NRG3: variants seen among roughly 807,000 people sequenced by gnomAD.
The protein encoded by NRG3 is neuregulin 3, also known as pro-neuregulin-3, membrane-bound isoform.
NRG3 carries 31 observed loss-of-function variants against 66.9 expected under a neutral mutation model. That is an observed-to-expected ratio of 0.46 (90% CI 0.35 to 0.63). NRG3 has a LOEUF of 0.63. Ranked by LOEUF, NRG3 falls within the 20% of genes least tolerant of loss-of-function variation. The pLI is 0.00. For synonymous variants in NRG3, 393 were observed against 359.4 expected, an observed-to-expected ratio of 1.09 and a Z score of -1.06; for missense variants, 910 against 878.9, an observed-to-expected ratio of 1.04 and a Z score of -0.45.
intron 1 of NRG3, among the ~76,000 whole-genome samples, chr10:82,216,192 G>C (rs982000480): frequency 6.6e-6 from 1 of 151,698 alleles, no homozygotes; most frequent in African/African-American, 2.4e-5. Flanking sequence ...TGTTGGCCAG[G>C]CTGGTCTTGA....
At chr10:82,819,566 T>G (rs2061858163) in intron 3 of NRG3, among the ~76,000 whole-genome samples, 1 of 152,170 alleles carries the variant, frequency 6.6e-6, no homozygotes, top group Non-Finnish European at 1.5e-5. Flanking sequence ...TACAGCATAA[T>G]ATAATAATTA....
chr10:82,895,675 A>AGAGAC (rs1430708494), intron 4 of NRG3, among the ~76,000 whole-genome samples: 40 of 152,076 alleles, frequency 2.6e-4, no homozygotes, highest in Admixed American at 3.9e-4. Flanking sequence ...TAATTTTAAT[A>AGAGAC]GAGACGGTGT....
intron 3 of NRG3, among the ~76,000 whole-genome samples, chr10:82,781,584 T>C (rs975225369): frequency 2.0e-5 from 3 of 152,112 alleles, no homozygotes; most frequent in African/African-American, 7.2e-5. Flanking sequence ...TATAAAATAT[T>C]TGCCACATTT....
At position 82,890,615 on chromosome 10, in the gene NRG3, T is replaced by C. The variant is rs77332529; in HGVS notation, c.1054+25178T>C. 5.0e-3 allele frequency among the ~76,000 whole-genome samples: 759 copies of C among 152,338 alleles called. 12 individuals carry two copies. The highest frequency in any genetic ancestry group is 0.017 in the African/African-American group (695 of 41,568). On this transcript the variant is annotated intron_variant, in intron 4 of 8. Coordinates refer to ENST00000372141, the MANE Select transcript of NRG3 (RefSeq NM_001010848.4). ...CTACATTTTAGTAGCCATCTTTGTA[T>C]AAATGTGCTCATTTCTATTTAGCAT...
chr10:82,428,369 TGTTGGTAC>T (rs58515281), intron 2 of NRG3, among the ~76,000 whole-genome samples: 29,984 of 151,664 alleles, frequency 0.2, 4,034 homozygotes, highest in African/African-American at 0.39. Flanking sequence ...ATTTCATAAT[TGTTGGTAC>T]GTTGTTTTTT....
intron 1 of NRG3, among the ~76,000 whole-genome samples, chr10:82,251,407 T>G (rs1480189862): frequency 6.6e-6 from 1 of 152,166 alleles, no homozygotes; most frequent in Non-Finnish European, 1.5e-5. Context: ...TCATCTACAG[T>G]GGCCCTGCAG....
intron 2 of NRG3, among the ~76,000 whole-genome samples, chr10:82,394,410 A>G (rs563637735): frequency 7.4e-4 from 113 of 152,316 alleles, no homozygotes; most frequent in South Asian, 2.9e-3. Context: ...GGAACAAATC[A>G]GGAAGCAAAC....
At chr10:82,807,049 T>G (rs1049873738) in intron 3 of NRG3, among the ~76,000 whole-genome samples, 1 of 152,174 alleles carries the variant, frequency 6.6e-6, no homozygotes, top group Non-Finnish European at 1.5e-5. Context: ...AGACCCTAAT[T>G]GGTTATTGGA....
intron 2 of NRG3, among the ~76,000 whole-genome samples, chr10:82,688,521 G>T (rs2250431): frequency 0.92 from 139,452 of 152,166 alleles, 63,957 homozygotes; most frequent in East Asian, 1. Context: ...CAAATATTTT[G>T]GGGATTTTAA....
At chr10:82,017,203 G>T (rs1011905752) in intron 1 of NRG3, among the ~76,000 whole-genome samples, 1 of 152,014 alleles carries the variant, frequency 6.6e-6, no homozygotes, top group Admixed American at 6.6e-5. Context: ...TTTGTCCTTG[G>T]GATAGTTTGC....
chr10:82,255,759 A>G (rs10884418), intron 1 of NRG3, among the ~76,000 whole-genome samples: 64,833 of 150,618 alleles, frequency 0.43, 15,630 homozygotes, highest in African/African-American at 0.67. Flanking sequence ...TGCATCAACC[A>G]CACCTGGCTA....
chr10:82,854,779 A>T (rs1200051753), intron 3 of NRG3, among the ~76,000 whole-genome samples: 1 of 152,200 alleles, frequency 6.6e-6, no homozygotes, highest in Non-Finnish European at 1.5e-5. Flanking sequence ...CTAACCTAAG[A>T]GTACCTCCTC....
chr10:82,514,430 T>C (rs907845430), intron 2 of NRG3, among the ~76,000 whole-genome samples: 3 of 152,208 alleles, frequency 2.0e-5, no homozygotes, highest in African/African-American at 7.2e-5. Flanking sequence ...TAGCACCAAT[T>C]ATAAATAGGG....
In NRG3 at chr10:82,433,951, T is replaced by C. The variant is rs148334694; in HGVS notation, c.953+75083T>C. Among the ~76,000 whole-genome samples, 859 of 152,314 alleles carry C rather than the reference T, an allele frequency of 5.6e-3. 8 individuals are homozygous for C. The highest frequency in any genetic ancestry group is 0.016 in the African/African-American group (675 of 41,580). On this transcript the variant is annotated intron_variant, in intron 2 of 8. Coordinates refer to ENST00000372141, the MANE Select transcript of NRG3 (RefSeq NM_001010848.4). Reference sequence around the variant, plus strand: ...ATACAGGGTCTTCTTTGATTCCATATGAAATTTAACCTAGTTTTTTCTAAT... The same window carrying C: ...ATACAGGGTCTTCTTTGATTCCATACGAAATTTAACCTAGTTTTTTCTAAT...
chr10:82,648,339 G>T (rs926078049), intron 2 of NRG3, among the ~76,000 whole-genome samples: 1 of 151,708 alleles, frequency 6.6e-6, no homozygotes, highest in Non-Finnish European at 1.5e-5. Context: ...ATTTCTGAGG[G>T]CTCTGTTCTG....
chr10:81,907,661 TAA>T (rs1389630692), intron 1 of NRG3, among the ~76,000 whole-genome samples: 2 of 152,204 alleles, frequency 1.3e-5, no homozygotes, highest in African/African-American at 2.4e-5. Context: ...ATATTTATAT[TAA>T]CTGGATAACT....
At chr10:82,882,608 T>C (rs1842403538) in intron 4 of NRG3, among the ~76,000 whole-genome samples, 1 of 152,174 alleles carries the variant, frequency 6.6e-6, no homozygotes, top group African/African-American at 2.4e-5. Context: ...GTTCCTTGTT[T>C]AGGTCTCAAA....
chr10:82,163,129 G>A (rs78327981), intron 1 of NRG3, among the ~76,000 whole-genome samples: 3,827 of 152,054 alleles, frequency 0.025, 159 homozygotes, highest in African/African-American at 0.086. Context: ...TTTTCAGAAG[G>A]TCTAATTAAC....
At position 82,031,720 on chromosome 10, in the gene NRG3, A is replaced by G. The variant is rs552356355; in HGVS notation, c.823+155557A>G. Among the ~76,000 whole-genome samples the G allele has an allele frequency of 6.6e-5, 10 of 152,162 alleles. 2 individuals carry two copies. The highest frequency in any genetic ancestry group is 2.2e-4 in the African/African-American group (9 of 41,542). On this transcript the variant is annotated intron_variant, in intron 1 of 8. Coordinates refer to ENST00000372141, the MANE Select transcript of NRG3 (RefSeq NM_001010848.4). ...CAAACGCACTTCTTGATCATTGACAATTCTTCAGCTCTCTTTAAGCATTGA... is the reference window on the plus strand; with the variant it reads ...CAAACGCACTTCTTGATCATTGACAGTTCTTCAGCTCTCTTTAAGCATTGA...
Sources: allele counts gnomAD v4.1 joint callset (sites outside exome capture counted in the v4.1 genomes callset), GRCh38; gene constraint gnomAD v4.1.1; transcripts MANE v1.5; gene names NCBI Gene and HGNC (gene_info 2026-07-23, HGNC 2026-07-21).